LATS1: variants seen among roughly 807,000 people sequenced by gnomAD.
LATS1 encodes large tumor suppressor kinase 1, also known as serine/threonine-protein kinase LATS1.
A neutral mutation model predicts 106.6 loss-of-function variants in LATS1; 25 were observed. The observed-to-expected ratio is 0.23, with a 90% CI of 0.17 to 0.33. The LOEUF is 0.33. Ranked by LOEUF, LATS1 falls within the 10% of genes least tolerant of loss-of-function variation. The pLI is 1.00. For synonymous variants in LATS1, 465 were observed against 455.6 expected (o/e 1.02, Z -0.26); for missense variants, 1,040 against 1,382.6 (o/e 0.75, Z 3.93).
chr6:149,680,614 A>C (rs2114795408), intron 4 of LATS1, among the ~76,000 whole-genome samples, 157 bp from the exon 5 acceptor site: 1 of 152,268 alleles, frequency 6.6e-6, no homozygotes, highest in South Asian at 2.1e-4. Flanking sequence ...AAGGAAATTA[A>C]TGATCAAAAG....
chr6:149,677,497 A>G lies in LATS1; in HGVS notation c.2594-760T>C, dbSNP rs569698836. ...TTTACCTCAAGTAAAGTGAGAAGATATTGCAGAGTTCGAAGCAAGAAGATA... is the reference window on the plus strand; with the variant it reads ...TTTACCTCAAGTAAAGTGAGAAGATGTTGCAGAGTTCGAAGCAAGAAGATA... On this transcript the variant is annotated intron_variant, in intron 5 of 7. Coordinates refer to ENST00000543571, the MANE Select transcript of LATS1 (RefSeq NM_004690.4). Among the ~76,000 whole-genome samples the G allele has an allele frequency of 3.9e-5, 6 of 152,286 alleles. No individual in the cohort carries two copies. The East Asian group carries it at 5.8e-4, about 15-fold the overall frequency.
intron 7 of LATS1, among the ~76,000 whole-genome samples, chr6:149,666,609 G>A (rs1227869901): frequency 3.3e-5 from 5 of 150,158 alleles, no homozygotes; most frequent in Admixed American, 1.3e-4. Flanking sequence ...GGGCAACAGG[G>A]CAAGACTCTG....
intron 1 of LATS1, among the ~76,000 whole-genome samples, chr6:149,715,062 ATTATTTCT>A (rs942121522): frequency 1.6e-4 from 24 of 151,692 alleles, no homozygotes; most frequent in East Asian, 9.7e-4. Context: ...TTATTTATTT[ATTATTTCT>A]TTATTTCTTT....
chr6:149,666,575 G>A (rs993514168), intron 7 of LATS1, among the ~76,000 whole-genome samples: 1 of 151,416 alleles, frequency 6.6e-6, no homozygotes, highest in Non-Finnish European at 1.5e-5. Flanking sequence ...AGTGAGCCGA[G>A]ATAGTGCCAC....
At position 149,702,246 on chromosome 6, in the gene LATS1, T is replaced by A; in HGVS notation, c.-120A>T. ...AAGTCCCCAGGACTGTTAAAATTCT[T>A]TACAATATAAATAATTAACTCTGTA... On this transcript the variant is annotated 5_prime_UTR_variant, in exon 2 of 8. Transcript: ENST00000543571. The A allele has an allele frequency of 1.7e-6, 1 of 605,582 alleles. No individual in the cohort carries two copies. Among genetic ancestry groups the A allele is most frequent in the Non-Finnish European group, 2.8e-6 (1 of 351,294 alleles). The allele number at this position is 605,582 out of a possible 1,614,324, so 37.5% of individuals were successfully genotyped here.
At chr6:149,704,885 TATAC>T (rs1190843051) in intron 1 of LATS1, among the ~76,000 whole-genome samples, 11 of 64,082 alleles carry the variant, frequency 1.7e-4, no homozygotes, top group African/African-American at 6.8e-4. Flanking sequence ...AGAAATTAAT[TATAC>T]ACACACACAC....
chr6:149,705,867 C>T (rs1407988870), intron 1 of LATS1, among the ~76,000 whole-genome samples: 8 of 151,922 alleles, frequency 5.3e-5, no homozygotes, highest in South Asian at 2.1e-4. Context: ...ATCACTGTAG[C>T]GGGCTGAATA....
chr6:149,665,458 G>A (rs1781089397), intron 7 of LATS1, among the ~76,000 whole-genome samples: 1 of 152,158 alleles, frequency 6.6e-6, no homozygotes, highest in Non-Finnish European at 1.5e-5. Context: ...CCTTGTCCTG[G>A]ATTCAGATGC....
intron 3 of LATS1, among the ~76,000 whole-genome samples, chr6:149,694,144 T>C (rs1447162787): frequency 6.6e-6 from 1 of 152,152 alleles, no homozygotes; most frequent in Non-Finnish European, 1.5e-5. Flanking sequence ...GACAGCAATA[T>C]CTATGAAAAG....
chr6:149,673,914 A>G (rs1317668195), intron 7 of LATS1, among the ~76,000 whole-genome samples: 1 of 151,752 alleles, frequency 6.6e-6, no homozygotes, highest in African/African-American at 2.4e-5. Flanking sequence ...ACTTCAGGTG[A>G]TCCACCCGCC....
At chr6:149,692,677 CTTT>C (rs113162358) in intron 3 of LATS1, among the ~76,000 whole-genome samples, 2 of 141,832 alleles carry the variant, frequency 1.4e-5, no homozygotes. Flanking sequence ...CTTTTTCTTT[CTTT>C]TTTTTTTTTT....
At chr6:149,705,117 C>G (rs1030673951) in intron 1 of LATS1, among the ~76,000 whole-genome samples, 32 of 151,592 alleles carry the variant, frequency 2.1e-4, no homozygotes, top group Non-Finnish European at 4.4e-5. Flanking sequence ...TTTTTCATTG[C>G]CTGAAAATTG....
At chr6:149,666,346 G>A (rs543607810) in intron 7 of LATS1, among the ~76,000 whole-genome samples, 22 of 151,528 alleles carry the variant, frequency 1.5e-4, no homozygotes, top group Non-Finnish European at 2.5e-4. Context: ...GGCCGGGTGC[G>A]GTGGCTCATG....
At chr6:149,697,537 T>C (rs915013233) in intron 2 of LATS1, among the ~76,000 whole-genome samples, 10 of 152,218 alleles carry the variant, frequency 6.6e-5, no homozygotes. Context: ...ATTTAGATTT[T>C]TGTTAAAACC....
At chr6:149,679,100 G>C (rs112322002) in intron 5 of LATS1, among the ~76,000 whole-genome samples, 2 of 152,054 alleles carry the variant, frequency 1.3e-5, no homozygotes, top group African/African-American at 2.4e-5. Flanking sequence ...GTGATAAAAG[G>C]ATCGATAAAA....
Position 149,718,060 on chromosome 6 carries a change from C to A in LATS1, c.-352G>T. On this transcript the variant is annotated 5_prime_UTR_variant, in exon 1 of 8. The change abolishes an upstream ATG in the 5' untranslated region. Transcript: ENST00000543571. Reference sequence around the variant, plus strand: ...ACCAGGCCACCGCCGCCGCCGCCGCCATTTTGCCTTCCACTCAGTGTCGCC... The same window carrying A: ...ACCAGGCCACCGCCGCCGCCGCCGCAATTTTGCCTTCCACTCAGTGTCGCC... 3.1e-6 allele frequency: 1 copy of A among 325,160 alleles called. No individual in the cohort carries two copies. Among genetic ancestry groups the A allele is most frequent in the South Asian group, 2.1e-5 (1 of 47,332 alleles). The allele number at this position is 325,160 out of a possible 1,614,324, so 20.1% of individuals were successfully genotyped here. A position where few individuals can be genotyped will look rare whatever the true frequency, so the allele number is the denominator to read the frequency against.
At chr6:149,700,945 A>G (rs1193253979) in intron 2 of LATS1, among the ~76,000 whole-genome samples, 1 of 152,110 alleles carries the variant, frequency 6.6e-6, no homozygotes, top group Non-Finnish European at 1.5e-5. Context: ...CACTATGCCC[A>G]GCTAATTTGA....
rs1781946675 is a variant in LATS1 at position 149,679,917 on chromosome 6, T to C, written c.2551A>G (p.Thr851Ala). ...HIKLTDFGLCTGFRWTHDSKY... is the reference protein window; with the variant it reads ...HIKLTDFGLCAGFRWTHDSKY... ...GAATCGTGTGTCCATCTGAAGCCAGTGCAGAGGCCAAAGTCAGTCAATTTA... is the reference window on the plus strand; with the variant it reads ...GAATCGTGTGTCCATCTGAAGCCAGCGCAGAGGCCAAAGTCAGTCAATTTA... Residue 851 changes from threonine to alanine, a missense_variant, in exon 5 of 8, where the codon ACT (threonine) becomes GCT (alanine). Physicochemically the swap from Thr to Ala is moderately conservative, Grantham distance 58. Transcript: ENST00000543571. 6.2e-7 allele frequency: 1 copy of C among 1,612,464 alleles called. No individual in the cohort carries two copies. Among genetic ancestry groups the C allele is most frequent in the African/African-American group, 1.3e-5 (1 of 74,908 alleles).
chr6:149,697,811 C>T (rs954968350), intron 2 of LATS1, among the ~76,000 whole-genome samples: 8 of 151,890 alleles, frequency 5.3e-5, no homozygotes, highest in African/African-American at 1.5e-4. Context: ...TCTCAGCTCA[C>T]GACAATCTCC....
Sources: allele counts gnomAD v4.1 joint callset (sites outside exome capture counted in the v4.1 genomes callset), GRCh38; gene constraint gnomAD v4.1.1; transcripts MANE v1.5; gene names NCBI Gene and HGNC (gene_info 2026-07-23, HGNC 2026-07-21).